SCO1: variants seen among roughly 807,000 people sequenced by gnomAD.
SCO1 encodes synthesis of cytochrome C oxidase 1.
Under a neutral mutation model 34.0 loss-of-function variants are expected in SCO1, and 23 were observed. That is an observed-to-expected ratio of 0.68 (90% CI 0.49 to 0.96). The LOEUF is 0.96. SCO1 is among the 40% of genes least tolerant of loss of function. The pLI, the probability that SCO1 is intolerant of heterozygous loss-of-function variation, is 0.00. For missense variants in SCO1, 404 were observed against 381.6 expected, an observed-to-expected ratio of 1.06 and a Z score of -0.49; for synonymous variants, 161 against 145.5, an observed-to-expected ratio of 1.11 and a Z score of -0.77.
intron 4 of SCO1, among the ~76,000 whole-genome samples, chr17:10,690,424 A>G (rs964320995): frequency 6.6e-6 from 1 of 152,224 alleles, no homozygotes; most frequent in African/African-American, 2.4e-5. Flanking sequence ...ATGGCCAACA[A>G]GTATATGAAA....
At chr17:10,688,898 C>T (rs1011722768) in intron 4 of SCO1, among the ~76,000 whole-genome samples, 6 of 140,896 alleles carry the variant, frequency 4.3e-5, no homozygotes, top group Non-Finnish European at 8.8e-5. Context: ...GGGCGGATCA[C>T]GAGGTCAGGA....
rs2151448230 is a variant in SCO1 at position 10,675,744 on chromosome 17, AAACACCC to A, written c.*5368_*5374del. 6.6e-6 allele frequency: 1 copy of A among 152,304 alleles called. No homozygotes were observed. The highest frequency in any genetic ancestry group is 1.9e-4 in the East Asian group (1 of 5,176). The allele number at this position is 152,304 out of a possible 1,614,324, so 9.4% of individuals were successfully genotyped here. On this transcript the variant is annotated 3_prime_UTR_variant, in exon 6 of 6. Transcript: ENST00000255390. ...CCTGTTTTACAAATTTAAAGAAAAA[AAACACCC>A]AACAACGAGGACAAATGCGTTAGTC...
chr17:10,680,306 C>G lies in SCO1; in HGVS notation c.*813G>C, dbSNP rs2074613523. The G allele has an allele frequency of 6.6e-6, 1 of 152,460 alleles. No homozygotes were observed. The highest frequency in any genetic ancestry group is 2.4e-5 in the African/African-American group (1 of 41,464). The allele number at this position is 152,460 out of a possible 1,614,324, so 9.4% of individuals were successfully genotyped here. A position where few individuals can be genotyped will look rare whatever the true frequency, so the allele number is the denominator to read the frequency against. Reference sequence around the variant, plus strand: ...CTGTGTGCAGCCATCTATGTACCCACTCATCACCCATGAAAAAGATCACGC... The same window carrying G: ...CTGTGTGCAGCCATCTATGTACCCAGTCATCACCCATGAAAAAGATCACGC... On this transcript the variant is annotated 3_prime_UTR_variant, in exon 6 of 6. Transcript: ENST00000255390.
At position 10,691,707 on chromosome 17, in the gene SCO1, C is replaced by T. The variant is rs2254730; in HGVS notation, c.655+165G>A. On this transcript the variant is annotated intron_variant, in intron 4 of 5. Transcript: ENST00000255390. The stretch of plus-strand genomic sequence containing the variant: ...AATTGAGAAACCCATTTCTTACTTA[C>T]GCACTAACTATCCATAACAATTCCT... Among the ~76,000 whole-genome samples, 76,755 of 152,008 alleles carry T rather than the reference C, an allele frequency of 0.5. 20,134 individuals are homozygous for T. The highest frequency in any genetic ancestry group is 0.65 in the African/African-American group (26,861 of 41,464).
In SCO1 at chr17:10,673,544, C is replaced by T. The variant is rs1275664503; in HGVS notation, c.*7575G>A. On this transcript the variant is annotated 3_prime_UTR_variant, in exon 6 of 6. Transcript: ENST00000255390. ...GTAATCCTTGCAGGGCTCTCTGCCC[C>T]ACTTTCTTCTGTAACTAAGACGGCC... The T allele has an allele frequency of 6.6e-6, 1 of 152,244 alleles. No individual in the cohort carries two copies. The highest frequency in any genetic ancestry group is 6.5e-5 in the Admixed American group (1 of 15,282). The allele number at this position is 152,244 out of a possible 1,614,324, so 9.4% of individuals were successfully genotyped here.
chr17:10,691,275 C>T (rs1475571467), intron 4 of SCO1, among the ~76,000 whole-genome samples: 21 of 152,242 alleles, frequency 1.4e-4, no homozygotes, highest in Non-Finnish European at 1.5e-5. Context: ...TGTGCACCAC[C>T]GTGCCTGGCT....
rs949350567 is a variant in SCO1, at chr17:10,680,801, G to A, written c.*318C>T. ...GCAAAGCTGCTGGGAGGGCCTGTTC[G>A]CAGGCAGGAATGCACTGGCTGTGCC... On this transcript the variant is annotated 3_prime_UTR_variant, in exon 6 of 6. Transcript: ENST00000255390. The A allele has an allele frequency of 4.1e-5, 17 of 412,568 alleles. No homozygotes were observed. Among genetic ancestry groups the A allele is most frequent in the African/African-American group, 6.1e-5 (3 of 49,540 alleles). 25.6% of individuals were successfully genotyped at this position (412,568 alleles called of 1,614,324 possible). A position where few individuals can be genotyped will look rare whatever the true frequency, so the allele number is the denominator to read the frequency against.
At position 10,697,409 on chromosome 17, in the gene SCO1, G is replaced by C. The variant is rs1444477127; in HGVS notation, c.99C>G (p.Ala33=). 6.2e-7 allele frequency: 1 copy of C among 1,608,682 alleles called. No homozygotes were observed. The highest frequency in any genetic ancestry group is 1.3e-5 in the African/African-American group (1 of 74,840). Residue 33 remains alanine (A), a synonymous_variant, in exon 1 of 6, where the codon GCC becomes GCG. Transcript: ENST00000255390. The stretch of plus-strand genomic sequence containing the variant: ...TCAGCAAGACTCTCGCAGTCCCCTC[G>C]GCTGGGCCCCAAAACTCGAGTCCGC... The part of the protein sequence containing the change: ...LPRGLEFWGP[A]EGTARVLLRQ...
At chr17:10,684,391 A>G (rs1190137732) in intron 5 of SCO1, among the ~76,000 whole-genome samples, 1 of 152,226 alleles carries the variant, frequency 6.6e-6, no homozygotes, top group African/African-American at 2.4e-5. Flanking sequence ...GGCAGGCTAC[A>G]CGATTAAAGG....
chr17:10,689,243 G>A (rs922223275), intron 4 of SCO1, among the ~76,000 whole-genome samples: 1 of 152,100 alleles, frequency 6.6e-6, no homozygotes, highest in Non-Finnish European at 1.5e-5. Flanking sequence ...TTGACTGTGG[G>A]ATGGTTTCAG....
At chr17:10,683,099 T>C (rs1351558963) in intron 5 of SCO1, among the ~76,000 whole-genome samples, 1 of 152,148 alleles carries the variant, frequency 6.6e-6, no homozygotes, top group Non-Finnish European at 1.5e-5. Context: ...ACAATGAAAA[T>C]GTCCCTCCCC....
intron 1 of SCO1, 124 bp from the exon 2 acceptor site, chr17:10,695,955 T>C: frequency 1.3e-6 from 1 of 740,900 alleles, no homozygotes; most frequent in Non-Finnish European, 2.3e-6. Context: ...GTGCAAAATG[T>C]TTCAGGGATG....
chr17:10,697,082 G>C (rs2074734742), intron 1 of SCO1, among the ~76,000 whole-genome samples, 153 bp downstream of exon 1: 1 of 152,106 alleles, frequency 6.6e-6, no homozygotes, highest in African/African-American at 2.4e-5. Context: ...GGGAAATGTA[G>C]GATGAAATTC....
At chr17:10,689,796 AC>A (rs977041608) in intron 4 of SCO1, among the ~76,000 whole-genome samples, 2 of 152,198 alleles carry the variant, frequency 1.3e-5, no homozygotes, top group Non-Finnish European at 2.9e-5. Flanking sequence ...GGATCACACT[AC>A]CTGACTTCAA....
chr17:10,694,522 A>T (rs1417395826), intron 2 of SCO1, among the ~76,000 whole-genome samples: 1 of 152,190 alleles, frequency 6.6e-6, no homozygotes, highest in Non-Finnish European at 1.5e-5. Flanking sequence ...TCTAATTTTG[A>T]TGGTTGTATT....
In SCO1 at chr17:10,685,896, T is replaced by C. The variant is rs545133452; in HGVS notation, c.771+831A>G. The stretch of plus-strand genomic sequence containing the variant: ...AAGAGAAAAACAGGCAATTGAATTA[T>C]GAGAACAGTGAATATAAATCAAACA... On this transcript the variant is annotated intron_variant, in intron 5 of 5. Transcript: ENST00000255390. Among the ~76,000 whole-genome samples, 4 of 152,328 alleles carry C rather than the reference T, an allele frequency of 2.6e-5. No individual in the cohort carries two copies. The East Asian group carries it at 7.7e-4, about 29-fold the overall frequency.
rs2074587661 is a variant in SCO1 at position 10,677,385 on chromosome 17, T to C, written c.*3734A>G. 1 of 152,142 alleles carries C rather than the reference T, an allele frequency of 6.6e-6. No individual in the cohort carries two copies. The highest frequency in any genetic ancestry group is 1.5e-5 in the Non-Finnish European group (1 of 68,004). The allele number at this position is 152,142 out of a possible 1,614,324, so 9.4% of individuals were successfully genotyped here. Reference sequence around the variant, plus strand: ...ACTAATTGGGTAACAAATGCTCGCATGGGTGACTGCTCTTTTAAAGGTAGC... The same window carrying C: ...ACTAATTGGGTAACAAATGCTCGCACGGGTGACTGCTCTTTTAAAGGTAGC... On this transcript the variant is annotated 3_prime_UTR_variant, in exon 6 of 6. Coordinates refer to ENST00000255390, the MANE Select transcript of SCO1 (RefSeq NM_004589.4).
At chr17:10,682,553 A>T (rs946351674) in intron 5 of SCO1, among the ~76,000 whole-genome samples, 14 of 151,994 alleles carry the variant, frequency 9.2e-5, no homozygotes, top group African/African-American at 3.1e-4. Context: ...ATTCTCTGTT[A>T]AAAAAAACAA....
rs371412479 is a variant in SCO1, at chr17:10,686,847, A to G, written c.656-5T>C. The G allele has an allele frequency of 3.8e-6, 6 of 1,585,854 alleles. No individual in the cohort carries two copies. In the African/African-American group the frequency reaches 8.1e-5, roughly 21 times the overall value. Reference sequence around the variant, plus strand: ...CAACCAGTTTGGGAGAAAATTCTAAATAAAAAATGAGAGAGACAGTGAAAA... The same window carrying G: ...CAACCAGTTTGGGAGAAAATTCTAAGTAAAAAATGAGAGAGACAGTGAAAA... On this transcript the variant is annotated splice_region_variant and splice_polypyrimidine_tract_variant and intron_variant, in intron 4 of 5. Coordinates refer to ENST00000255390, the MANE Select transcript of SCO1 (RefSeq NM_004589.4).
Sources: gnomAD v4.1 joint callset for allele counts (sites outside exome capture counted in the v4.1 genomes callset) on GRCh38, gnomAD v4.1.1 for gene constraint, MANE v1.5 for transcripts, NCBI Gene and HGNC (gene_info 2026-07-23, HGNC 2026-07-21) for gene names.